Variants in TXNDC8 observed in about 807,000 individuals in gnomAD.
TXNDC8 encodes the protein thioredoxin domain-containing protein 8.
In TXNDC8, 15 loss-of-function variants were observed where a neutral mutation model predicts 12.9. That is an observed-to-expected ratio of 1.16 (90% confidence interval 0.78 to 1.79). The LOEUF is 1.79. TXNDC8 is among the 40% of genes most tolerant of loss of function. TXNDC8 has a pLI of 0.00. For synonymous variants in TXNDC8, 40 were observed against 35.4 expected, an observed-to-expected ratio of 1.13 and a Z score of -0.46; for missense variants, 128 against 113.2, an observed-to-expected ratio of 1.13 and a Z score of -0.59.
downstream of TXNDC8, among the ~76,000 whole-genome samples, chr9:110,303,061 C>CAAA (rs34213696): frequency 1.4e-5 from 2 of 143,882 alleles, no homozygotes; most frequent in African/African-American, 2.6e-5. Context: ...AAGACTGTCT[C>CAAA]AAAAAAAAAA....
At chr9:110,304,358 A>G (rs41278421) in intron 4 of TXNDC8, 109 bp downstream of exon 5, 219 of 981,912 alleles carry the variant, frequency 2.2e-4, no homozygotes, top group Non-Finnish European at 2.7e-4. Context: ...CCCACACCAA[A>G]GGCTTCTGCT....
chr9:110,325,640 C>T (rs1839283977), intron 3 of TXNDC8, among the ~76,000 whole-genome samples: 1 of 151,860 alleles, frequency 6.6e-6, no homozygotes, highest in South Asian at 2.1e-4. Context: ...CCTGCCTCAG[C>T]CTCTCGAGTA....
chr9:110,312,912 G>GT (rs1838741195), intron 3 of TXNDC8, among the ~76,000 whole-genome samples: 1 of 151,992 alleles, frequency 6.6e-6, no homozygotes, highest in Non-Finnish European at 1.5e-5. Flanking sequence ...TTTTTTAGTT[G>GT]TTTTTGAGAC....
intron 3 of TXNDC8, among the ~76,000 whole-genome samples, chr9:110,313,256 A>C (rs929474651): frequency 6.6e-6 from 1 of 151,846 alleles, no homozygotes; most frequent in African/African-American, 2.4e-5. Flanking sequence ...TTTTCCCCCA[A>C]TTTTTCCTAA....
intron 3 of TXNDC8, among the ~76,000 whole-genome samples, chr9:110,305,827 CTTTCT>C (rs1564093224): frequency 2.5e-5 from 2 of 79,812 alleles, no homozygotes; most frequent in African/African-American, 5.0e-5. Context: ...CTTTCCTTTC[CTTTCT>C]TTTCCTTTCT....
rs142457636 is a variant in TXNDC8 at position 110,334,291 on chromosome 9, G to A, written c.54C>T (p.Ala18=). 20 of 1,613,356 alleles carry A rather than the reference G, an allele frequency of 1.2e-5. No individual in the cohort carries two copies. In the South Asian group the frequency reaches 1.6e-4, roughly 13 times the overall value. The change falls in exon 2 of 5, where the codon GCC becomes GCT. Residue 18 remains alanine (A), a synonymous_variant. Coordinates refer to ENST00000423740, the MANE Select transcript of TXNDC8 (RefSeq NM_001286946.2). The stretch of plus-strand genomic sequence containing the variant: ...ATTGAACCACTGCGAGTTTGTGTCC[G>A]GCAGCTGTCAAAAATGTTTTAAATT...
At chr9:110,327,798 G>A (rs985473776) in intron 2 of TXNDC8, among the ~76,000 whole-genome samples, 3 of 152,186 alleles carry the variant, frequency 2.0e-5, no homozygotes, top group Non-Finnish European at 2.9e-5. Context: ...GTGGAGGATG[G>A]AGGGAATTGG....
At chr9:110,305,764 CT>C (rs1838435019) in intron 3 of TXNDC8, among the ~76,000 whole-genome samples, 2 of 134,600 alleles carry the variant, frequency 1.5e-5, no homozygotes, top group East Asian at 2.2e-4. Context: ...CTTCCCTTCC[CT>C]TTCTTTTCTT....
In TXNDC8 at chr9:110,322,829, GCACT is replaced by G. The variant is rs1839159429; in HGVS notation, c.195+3342_195+3345del. 3.0e-6 allele frequency: 3 copies of G among 985,296 alleles called. No individual in the cohort carries two copies. The South Asian group carries it at 1.4e-4, about 46-fold the overall frequency. The allele number at this position is 985,296 out of a possible 1,614,324, so 61.0% of individuals were successfully genotyped here. A position where few individuals can be genotyped will look rare whatever the true frequency, so the allele number is the denominator to read the frequency against. ...CAGAAGCATTCATTCATTCATTCAT[GCACT>G]CACTCATTCATCACACACATCATGA... On this transcript the variant is annotated intron_variant, in intron 3 of 4. Transcript: ENST00000423740.
chr9:110,306,427 C>T (rs1838469610), intron 3 of TXNDC8, among the ~76,000 whole-genome samples: 1 of 152,184 alleles, frequency 6.6e-6, no homozygotes, highest in Admixed American at 6.5e-5. Context: ...AGCTCAAAAC[C>T]ACAAATCCAG....
chr9:110,328,809 A>G (rs1839437510), intron 2 of TXNDC8, among the ~76,000 whole-genome samples: 1 of 152,044 alleles, frequency 6.6e-6, no homozygotes, highest in Non-Finnish European at 1.5e-5. Flanking sequence ...TCTGTCCCCC[A>G]CCCCCCAAAT....
intron 2 of TXNDC8, among the ~76,000 whole-genome samples, chr9:110,326,934 A>T (rs566834098): frequency 1.4e-4 from 18 of 129,318 alleles, no homozygotes; most frequent in Non-Finnish European, 2.4e-4. Flanking sequence ...TTGCCCTGCT[A>T]CTCATGCACA....
chr9:110,322,471 T>C (rs1839141289), intron 3 of TXNDC8: 1 of 985,438 alleles, frequency 1.0e-6, no homozygotes, highest in Non-Finnish European at 1.2e-6. Context: ...TTAGATATAA[T>C]TGTTTATAAA....
downstream of TXNDC8, among the ~76,000 whole-genome samples, chr9:110,303,253 C>T (rs1838309520): frequency 6.6e-6 from 1 of 152,168 alleles, no homozygotes; most frequent in Non-Finnish European, 1.5e-5. Context: ...CTGTGCAGGA[C>T]CTCTCTTGTG....
intron 2 of TXNDC8, among the ~76,000 whole-genome samples, chr9:110,332,000 A>G (rs1302351318): frequency 2.6e-5 from 4 of 152,176 alleles, no homozygotes; most frequent in Admixed American, 2.6e-4. Flanking sequence ...CACACATAAT[A>G]CAGGAATGTC....
At chr9:110,315,112 T>C (rs1347380713) in intron 3 of TXNDC8, among the ~76,000 whole-genome samples, 1 of 152,130 alleles carries the variant, frequency 6.6e-6, no homozygotes, top group Non-Finnish European at 1.5e-5. Context: ...AGGTTTTTTT[T>C]TGTTTTGTTT....
intron 2 of TXNDC8, among the ~76,000 whole-genome samples, chr9:110,328,654 A>G (rs1448622266): frequency 6.6e-6 from 1 of 152,206 alleles, no homozygotes; most frequent in Non-Finnish European, 1.5e-5. Flanking sequence ...TAAAAATACA[A>G]AATTAGCCGG....
At chr9:110,301,599 T>C (rs7849971), downstream of TXNDC8, among the ~76,000 whole-genome samples, 4,278 of 152,182 alleles carry the variant, frequency 0.028, 204 homozygotes, top group African/African-American at 0.097. Context: ...CAGGAAGGAA[T>C]AGTCTGGCTG....
intron 3 of TXNDC8, among the ~76,000 whole-genome samples, chr9:110,320,117 T>C (rs1285885085): frequency 2.0e-5 from 3 of 152,206 alleles, no homozygotes; most frequent in Admixed American, 1.3e-4. Flanking sequence ...CTTTTGATGG[T>C]TGGCTTATAT....
Sources: allele counts gnomAD v4.1 joint callset (sites outside exome capture counted in the v4.1 genomes callset), GRCh38; gene constraint gnomAD v4.1.1; transcripts MANE v1.5; gene names NCBI Gene and HGNC (gene_info 2026-07-23, HGNC 2026-07-21).